The following SOD2 variants were observed in gnomAD, a reference collection of about 807,000 sequenced individuals.
SOD2 encodes superoxide dismutase [Mn], mitochondrial.
In SOD2, 11 loss-of-function variants were observed where a neutral mutation model predicts 27.0. That is an observed-to-expected ratio of 0.41 (90% CI 0.26 to 0.67). SOD2 has a LOEUF of 0.67. SOD2 is among the 30% of genes least tolerant of loss of function. The probability of loss-of-function intolerance (pLI) is 0.34; values close to 1 mark genes in which losing one functional copy is unlikely to be tolerated. For missense variants in SOD2, 250 were observed against 274.5 expected (o/e 0.91, Z 0.63); for synonymous variants, 105 against 103.0 (o/e 1.02, Z -0.12).
intron 1 of SOD2, among the ~76,000 whole-genome samples, chr6:159,724,057 T>C (rs1050371787): frequency 6.6e-6 from 1 of 152,178 alleles, no homozygotes; most frequent in African/African-American, 2.4e-5. Context: ...CCCTCCAGTT[T>C]AAACTCAATA....
chr6:159,725,083 G>C (rs1383828385), intron 1 of SOD2, among the ~76,000 whole-genome samples: 2 of 152,198 alleles, frequency 1.3e-5, no homozygotes, highest in East Asian at 3.8e-4. Context: ...TTAGTATGCA[G>C]ATTTCTGTAT....
intron 1 of SOD2, among the ~76,000 whole-genome samples, chr6:159,734,613 C>G (rs1316679266): frequency 2.6e-5 from 4 of 152,070 alleles, no homozygotes; most frequent in African/African-American, 7.2e-5. Flanking sequence ...GAGTTCAAGA[C>G]TAGCCTGGGC....
At chr6:159,727,097 G>C (rs1167515703) in intron 1 of SOD2, 1 of 1,194,582 alleles carries the variant, frequency 8.4e-7, no homozygotes, top group East Asian at 5.9e-5. Context: ...CGACCTCGCT[G>C]GCCCGCCCCT....
At chr6:159,755,113 G>C (rs774884308) in intron 1 of SOD2, 4 of 1,614,200 alleles carry the variant, frequency 2.5e-6, no homozygotes, top group Non-Finnish European at 3.4e-6. Context: ...AGCTGAAGGA[G>C]ACACGCCAGC....
Position 159,676,205 on chromosome 6 carries a change from T to C in SOD2, c.*6288A>G, listed in dbSNP as rs1287248560. The C allele has an allele frequency of 4.6e-5, 7 of 152,318 alleles. No homozygotes were observed. In the East Asian group the frequency reaches 1.4e-3, roughly 29 times the overall value. 9.4% of individuals were successfully genotyped at this position (152,318 alleles called of 1,614,324 possible). A position where few individuals can be genotyped will look rare whatever the true frequency, so the allele number is the denominator to read the frequency against. ...ACAGTGTGGCGATTCCTCAGGGATC[T>C]AGAACTAGAAATACCATTTGACCCA... On this transcript the variant is annotated 3_prime_UTR_variant, in exon 5 of 5. Coordinates refer to ENST00000538183, the MANE Select transcript of SOD2 (RefSeq NM_000636.4).
At chr6:159,727,906 C>T (rs1207738308), upstream of SOD2, among the ~76,000 whole-genome samples, 33 of 152,236 alleles carry the variant, frequency 2.2e-4, no homozygotes, top group African/African-American at 5.3e-4. Context: ...TTATCTCTGT[C>T]CTCCGTCCCC....
At chr6:159,750,065 TGAA>T (rs1335794516), upstream of SOD2, among the ~76,000 whole-genome samples, 3 of 151,988 alleles carry the variant, frequency 2.0e-5, no homozygotes, top group Non-Finnish European at 4.4e-5. Context: ...GAGGGTGGGT[TGAA>T]GAAGTGGTTT....
At chr6:159,699,786 G>A (rs368909294) in intron 1 of SOD2, among the ~76,000 whole-genome samples, 1 of 152,244 alleles carries the variant, frequency 6.6e-6, no homozygotes, top group East Asian at 1.9e-4. Context: ...TGAATCTCTG[G>A]GCCAGCACAA....
At chr6:159,700,055 A>G (rs1426763852) in intron 1 of SOD2, among the ~76,000 whole-genome samples, 3 of 152,236 alleles carry the variant, frequency 2.0e-5, no homozygotes, top group Non-Finnish European at 4.4e-5. Context: ...ATAAAATCGC[A>G]TAAAATAAAA....
chr6:159,724,799 C>T (rs141336167), intron 1 of SOD2, among the ~76,000 whole-genome samples: 31 of 151,030 alleles, frequency 2.1e-4, no homozygotes, highest in African/African-American at 6.8e-4. Flanking sequence ...CTGTAGTGAG[C>T]CATGATCGTA....
At chr6:159,738,373 CA>C (rs1779048119) in intron 1 of SOD2, among the ~76,000 whole-genome samples, 1 of 151,960 alleles carries the variant, frequency 6.6e-6, no homozygotes, top group South Asian at 2.1e-4. Context: ...TTCCACTTAG[CA>C]CAGTTTCCTT....
chr6:159,750,093 C>G (rs1361494907), upstream of SOD2, among the ~76,000 whole-genome samples: 2 of 152,134 alleles, frequency 1.3e-5, no homozygotes, highest in Non-Finnish European at 2.9e-5. Flanking sequence ...GACTTTTCAG[C>G]AAGAAATCTG....
chr6:159,761,578 G>A, exon 1 of SOD2: 1 of 456,090 alleles, frequency 2.2e-6, no homozygotes, highest in Non-Finnish European at 4.4e-6. Flanking sequence ...GCTGTGCTGA[G>A]ACCCGCCGCG....
Position 159,712,528 on chromosome 6 carries a change from C to T in SOD2, c.-116+14601G>A, listed in dbSNP as rs71191610. 5.8e-3 allele frequency among the ~76,000 whole-genome samples: 600 copies of T among 103,928 alleles called. 1 individual carries two copies. Among genetic ancestry groups the T allele is most frequent in the Middle Eastern group, 0.016 (3 of 182 alleles). The allele number at this position is 103,928 out of a possible 152,430, so 68.2% of individuals were successfully genotyped here. A position where few individuals can be genotyped will look rare whatever the true frequency, so the allele number is the denominator to read the frequency against. ...ACCACCTCCATAACCACCACTCACA[C>T]TGCTCTGATCACCATAACCACCTCC... On this transcript the variant is annotated intron_variant, in intron 1 of 2. Transcript: ENST00000401980.
intron 1 of SOD2, among the ~76,000 whole-genome samples, chr6:159,698,394 C>T (rs1470980306): frequency 2.0e-5 from 3 of 150,664 alleles, no homozygotes; most frequent in East Asian, 4.0e-4. Context: ...GGGAACAGAG[C>T]GAGACTCCAT....
upstream of SOD2, chr6:159,748,586 T>C (rs904991659): frequency 7.3e-7 from 1 of 1,363,138 alleles, no homozygotes; most frequent in Non-Finnish European, 9.4e-7. The surrounding 1 kb of genome is among the most constrained non-coding windows in gnomAD (Gnocchi z 5.6). Flanking sequence ...TCCCCTTGCT[T>C]CAGAGGCCTG....
Position 159,681,933 on chromosome 6 carries a change from AG to A in SOD2, c.*559del, listed in dbSNP as rs1457925306. 6.6e-6 allele frequency: 1 copy of A among 152,180 alleles called. No homozygotes were observed. The highest frequency in any genetic ancestry group is 1.5e-5 in the Non-Finnish European group (1 of 68,038). The allele number at this position is 152,180 out of a possible 1,614,324, so 9.4% of individuals were successfully genotyped here. ...TGTGCAGGTGAGCAAACCCCAGTTC[AG>A]TTCACCTGCTACATTTAAACAGTAT... On this transcript the variant is annotated 3_prime_UTR_variant, in exon 5 of 5. Transcript: ENST00000538183.
intron 1 of SOD2, among the ~76,000 whole-genome samples, chr6:159,703,160 C>A (rs1436770458): frequency 6.6e-6 from 1 of 151,966 alleles, no homozygotes; most frequent in African/African-American, 2.4e-5. Flanking sequence ...ACAAAAAATA[C>A]AAAATTAGCC....
In SOD2 at chr6:159,680,757, G is replaced by C. The variant is rs1385519839; in HGVS notation, c.*1736C>G. The C allele has an allele frequency of 6.6e-6, 1 of 151,964 alleles. No individual in the cohort carries two copies. Among genetic ancestry groups the C allele is most frequent in the Non-Finnish European group, 1.5e-5 (1 of 68,056 alleles). The allele number at this position is 151,964 out of a possible 1,614,324, so 9.4% of individuals were successfully genotyped here. A position where few individuals can be genotyped will look rare whatever the true frequency, so the allele number is the denominator to read the frequency against. On this transcript the variant is annotated 3_prime_UTR_variant, in exon 5 of 5. Transcript: ENST00000538183. ...TCGAGACCACCCTGGCCAACATGGTGAAACCCTGTCTCTGCTAAAAATACA... is the reference window on the plus strand; with the variant it reads ...TCGAGACCACCCTGGCCAACATGGTCAAACCCTGTCTCTGCTAAAAATACA...
Sources: allele counts gnomAD v4.1 joint callset (sites outside exome capture counted in the v4.1 genomes callset), GRCh38; gene constraint gnomAD v4.1.1; non-coding constraint Gnocchi (gnomAD v3.1); transcripts MANE v1.5; gene names NCBI Gene and HGNC (gene_info 2026-07-23, HGNC 2026-07-21).